Variants in LRRC34 observed in about 807,000 individuals in gnomAD.
The protein encoded by LRRC34 is leucine-rich repeat-containing protein 34.
A neutral mutation model predicts 48.5 loss-of-function variants in LRRC34; 44 were observed. The observed-to-expected ratio is 0.91, with a 90% confidence interval of 0.71 to 1.17. The LOEUF (loss-of-function observed/expected upper bound fraction) is 1.17. LRRC34 is among the 50% of genes most tolerant of loss of function. The pLI, the probability that LRRC34 is intolerant of heterozygous loss-of-function variation, is 0.00. For synonymous variants in LRRC34, 192 were observed against 197.6 expected, an observed-to-expected ratio of 0.97 and a Z score of 0.24; for missense variants, 502 against 563.0, an observed-to-expected ratio of 0.89 and a Z score of 1.10.
chr3:169,805,137 G>T lies in LRRC34; in HGVS notation c.529-956C>A, dbSNP rs190075183. Among the ~76,000 whole-genome samples the T allele has an allele frequency of 2.0e-5, 3 of 152,228 alleles. No homozygotes were observed. In the East Asian group the frequency reaches 5.8e-4, roughly 29 times the overall value. On this transcript the variant is annotated intron_variant, in intron 5 of 10. Coordinates refer to ENST00000446859, the MANE Select transcript of LRRC34 (RefSeq NM_001172779.2). ...CCTCTCACCACTTCTATTTAACATT[G>T]TACTGGAGGTTCTAGCCAGAGAAAT...
intron 5 of LRRC34, among the ~76,000 whole-genome samples, chr3:169,805,981 C>G (rs1182825960): frequency 2.0e-5 from 3 of 151,510 alleles, no homozygotes. Flanking sequence ...ACAGAAGAGC[C>G]AACACAATCC....
At position 169,799,848 on chromosome 3, in the gene LRRC34, G is replaced by A. The variant is rs191523239; in HGVS notation, c.753+811C>T. On this transcript the variant is annotated intron_variant, in intron 7 of 10. Transcript: ENST00000446859. ...CTGCCTCAGCCTCCCAAGTAGCTGG[G>A]ATTACAGGCACCTGCCACCATGCCT... Among the ~76,000 whole-genome samples the A allele has an allele frequency of 3.9e-5, 6 of 152,214 alleles. No homozygotes were observed. In the East Asian group the frequency reaches 1.2e-3, roughly 30 times the overall value.
rs78580387 is a variant in LRRC34 at position 169,812,034 on chromosome 3, C to G, written c.139+376G>C. Among the ~76,000 whole-genome samples the G allele has an allele frequency of 0.017, 2,574 of 152,204 alleles. 90 individuals carry two copies. The highest frequency in any genetic ancestry group is 0.14 in the South Asian group (659 of 4,822). On this transcript the variant is annotated intron_variant, in intron 1 of 10. Transcript: ENST00000446859. The surrounding 1 kb of genome is among the most constrained non-coding windows in gnomAD (Gnocchi z 4.3). ...AACAGTATCAAGACCCTCATGCCCC[C>G]CTGTGACCTGCTCTCTGGGACTTTC...
At chr3:169,797,252 GTC>G (rs1779028600) in intron 7 of LRRC34, among the ~76,000 whole-genome samples, 2 of 152,058 alleles carry the variant, frequency 1.3e-5, no homozygotes, top group South Asian at 4.1e-4. Flanking sequence ...CATCTTTCAA[GTC>G]TCTAAACCTT....
Position 169,812,675 on chromosome 3 carries a change from T to G in LRRC34, c.-127A>C. 1 of 1,307,462 alleles carries G rather than the reference T, an allele frequency of 7.6e-7. No homozygotes were observed. The highest frequency in any genetic ancestry group is 9.9e-7 in the Non-Finnish European group (1 of 1,005,506). The allele number at this position is 1,307,462 out of a possible 1,614,324, so 81.0% of individuals were successfully genotyped here. On this transcript the variant is annotated 5_prime_UTR_variant, in exon 1 of 11. Coordinates refer to ENST00000446859, the MANE Select transcript of LRRC34 (RefSeq NM_001172779.2). This position sits in a 1 kb window ranked among gnomAD's most constrained non-coding sequence, Gnocchi z 4.3. ...CCCTGAGGCCTCACTGCTAAGGCAG[T>G]GACCGCCTACTCTGTGGAGGTCCTT... is the stretch of plus-strand genomic sequence containing the variant.
chr3:169,807,610 T>C lies in LRRC34; in HGVS notation c.357A>G (p.Leu119=). The change falls in exon 3 of 11, where the codon TTA becomes TTG. Residue 119 remains leucine, a synonymous_variant. Coordinates refer to ENST00000446859, the MANE Select transcript of LRRC34 (RefSeq NM_001172779.2). ...GEDFWILSKI[L]KNCLYINGLD... ...TACCATTAATATACAGACAATTCTT[T>C]AAAATTTTGGAAAGAATCCAAAAAT... 6.2e-7 allele frequency: 1 copy of C among 1,610,136 alleles called. No individual in the cohort carries two copies. The highest frequency in any genetic ancestry group is 8.5e-7 in the Non-Finnish European group (1 of 1,179,108).
chr3:169,812,622 C>T lies in LRRC34; in HGVS notation c.-74G>A. On this transcript the variant is annotated 5_prime_UTR_variant, in exon 1 of 11. Transcript: ENST00000446859. The surrounding 1 kb of genome is among the most constrained non-coding windows in gnomAD (Gnocchi z 4.3). ...CACGAGCCTCGGCGCCAGCCTGCTT[C>T]GAGTCCCGCTGGCTGTGCCTGCCCG... 1 of 1,406,568 alleles carries T rather than the reference C, an allele frequency of 7.1e-7. No individual in the cohort carries two copies. The highest frequency in any genetic ancestry group is 9.2e-7 in the Non-Finnish European group (1 of 1,087,314). 87.1% of individuals were successfully genotyped at this position (1,406,568 alleles called of 1,614,324 possible). A position where few individuals can be genotyped will look rare whatever the true frequency, so the allele number is the denominator to read the frequency against.
chr3:169,796,872 T>G lies in LRRC34; in HGVS notation c.781A>C (p.Met261Leu). The change falls in exon 8 of 11, where the codon ATG (methionine) becomes CTG (leucine). Residue 261 changes from methionine to leucine, a missense_variant. Met to Leu is a conservative substitution (Grantham distance 15). Transcript: ENST00000446859. ...ACAAGACAGTGATTTTCTTTCAACATGCGGCCTACATGGACTGTAGACTCT... is the reference window on the plus strand; with the variant it reads ...ACAAGACAGTGATTTTCTTTCAACAGGCGGCCTACATGGACTGTAGACTCT... ...QEESTVHVGR[M>L]LKENHCLVAL... 1.2e-6 allele frequency: 2 copies of G among 1,607,628 alleles called. No individual in the cohort carries two copies. Among genetic ancestry groups the G allele is most frequent in the Non-Finnish European group, 1.7e-6 (2 of 1,177,132 alleles).
At chr3:169,796,943 T>A (rs746587103) in intron 7 of LRRC34, 44 bp from the exon 8 acceptor site, 1 of 1,404,178 alleles carries the variant, frequency 7.1e-7, no homozygotes, top group South Asian at 1.6e-5. Flanking sequence ...AATTTTGAAG[T>A]AGTACATGTT....
chr3:169,800,008 C>T lies in LRRC34; in HGVS notation c.753+651G>A, dbSNP rs566522344. Reference sequence around the variant, plus strand: ...GATTACAGACGTGAGCCACCGTGCCCGGCCAAACATTAAATTTTAAACATT... The same window carrying T: ...GATTACAGACGTGAGCCACCGTGCCTGGCCAAACATTAAATTTTAAACATT... On this transcript the variant is annotated intron_variant, in intron 7 of 10. Transcript: ENST00000446859. 1.4e-3 allele frequency among the ~76,000 whole-genome samples: 215 copies of T among 152,280 alleles called. 1 individual carries two copies. The highest frequency in any genetic ancestry group is 4.9e-3 in the African/African-American group (205 of 41,528).
chr3:169,793,512 A>G lies in LRRC34; in HGVS notation c.*123T>C, dbSNP rs1469908060. The G allele has an allele frequency of 2.2e-5, 16 of 715,334 alleles. No individual in the cohort carries two copies. In the East Asian group the frequency reaches 4.4e-4, roughly 20 times the overall value. The allele number at this position is 715,334 out of a possible 1,614,324, so 44.3% of individuals were successfully genotyped here. A position where few individuals can be genotyped will look rare whatever the true frequency, so the allele number is the denominator to read the frequency against. On this transcript the variant is annotated 3_prime_UTR_variant, in exon 11 of 11. Transcript: ENST00000446859. The stretch of plus-strand genomic sequence containing the variant: ...CAGTTATACAAAGTTTAATACAGTC[A>G]TTATCTTTTACACATTTGAAAAAAG...
At chr3:169,807,511 A>G (rs1180866158) in intron 3 of LRRC34, 21 bp from the exon 4 acceptor site, 1 of 1,612,238 alleles carries the variant, frequency 6.2e-7, no homozygotes, top group Non-Finnish European at 8.5e-7. Flanking sequence ...GATGAATAGA[A>G]GTGGATATTC....
In LRRC34 at chr3:169,810,759, G is replaced by A. The variant is rs9831787; in HGVS notation, c.139+1651C>T. ...TGCAAACTGTTAAGCTTGAGAATAG[G>A]GAGGATAAGAATGCTGCATTTCCGG... On this transcript the variant is annotated intron_variant, in intron 1 of 10. Transcript: ENST00000446859. 5.6e-3 allele frequency among the ~76,000 whole-genome samples: 849 copies of A among 152,276 alleles called. 8 individuals are homozygous for A. The highest frequency in any genetic ancestry group is 0.019 in the African/African-American group (809 of 41,562).
At chr3:169,802,810 T>C (rs546673016) in intron 6 of LRRC34, among the ~76,000 whole-genome samples, 1 of 151,362 alleles carries the variant, frequency 6.6e-6, no homozygotes, top group Non-Finnish European at 1.5e-5. Flanking sequence ...CCGTCTCTAC[T>C]AAAAATACAA....
Position 169,808,656 on chromosome 3 carries a change from G to A in LRRC34, c.229C>T (p.Gln77Ter). 6.4e-7 allele frequency: 1 copy of A among 1,554,728 alleles called. No homozygotes were observed. The highest frequency in any genetic ancestry group is 8.8e-7 in the Non-Finnish European group (1 of 1,132,566). ...KINPFILHILQEVDEEIKKGL... is the reference protein window; with the variant it reads ...KINPFILHIL ...TTTTTAATTTCTTCATCCACTTCTT[G>A]GAGTATATGCAATATAAAAGGATTA... Residue 77 changes from glutamine to a stop codon, truncating the protein, a stop_gained, in exon 2 of 11, where the codon CAA becomes TAA. Coordinates refer to ENST00000446859, the MANE Select transcript of LRRC34 (RefSeq NM_001172779.2). LOFTEE classifies it high-confidence loss of function.
In LRRC34 at chr3:169,812,147, C is replaced by CT. The variant is rs1779601979; in HGVS notation, c.139+262_139+263insA. On this transcript the variant is annotated intron_variant, in intron 1 of 10. Coordinates refer to ENST00000446859, the MANE Select transcript of LRRC34 (RefSeq NM_001172779.2). This position sits in a 1 kb window ranked among gnomAD's most constrained non-coding sequence, Gnocchi z 4.3. ...GACAGACACCATCTGCACAACCTAT[C>CT]GCGCAAAGGGCGGACCCACGGGAAC... Among the ~76,000 whole-genome samples the CT allele has an allele frequency of 6.7e-6, 1 of 149,632 alleles. No homozygotes were observed. Among genetic ancestry groups the CT allele is most frequent in the Non-Finnish European group, 1.5e-5 (1 of 67,414 alleles).
Position 169,812,429 on chromosome 3 carries a change from C to T in LRRC34, c.120G>A (p.Ala40=). Residue 40 remains alanine, a synonymous_variant, in exon 1 of 11, where the codon GCG becomes GCA. Transcript: ENST00000446859. This position sits in a 1 kb window ranked among gnomAD's most constrained non-coding sequence, Gnocchi z 4.3. Reference sequence around the variant, plus strand: ...TCTTACCGCGCTGGACCGCCAGGGCCGCGCCCGGAGTACTGGCCTGAGTGG... The same window carrying T: ...TCTTACCGCGCTGGACCGCCAGGGCTGCGCCCGGAGTACTGGCCTGAGTGG... ...WASTQASTPG[A]ALAVQRESPE... 1.3e-6 allele frequency: 2 copies of T among 1,529,294 alleles called. No individual in the cohort carries two copies. The highest frequency in any genetic ancestry group is 1.7e-6 in the Non-Finnish European group (2 of 1,144,736). The allele number at this position is 1,529,294 out of a possible 1,614,324, so 94.7% of individuals were successfully genotyped here.
rs1779648811 is a variant in LRRC34, at chr3:169,812,754, G to T, written c.-206C>A. ...TGAGGGAGGGCGTCCTGGCTCCTTT[G>T]CAGGGAGGAGTTCCCGAGGTTTGAG... On this transcript the variant is annotated 5_prime_UTR_variant, in exon 1 of 11. Transcript: ENST00000446859. This position sits in a 1 kb window ranked among gnomAD's most constrained non-coding sequence, Gnocchi z 4.3. 4 of 642,888 alleles carry T rather than the reference G, an allele frequency of 6.2e-6. No homozygotes were observed. Among genetic ancestry groups the T allele is most frequent in the Non-Finnish European group, 2.4e-6 (1 of 412,978 alleles). The allele number at this position is 642,888 out of a possible 1,614,324, so 39.8% of individuals were successfully genotyped here. A position where few individuals can be genotyped will look rare whatever the true frequency, so the allele number is the denominator to read the frequency against.
At chr3:169,801,365 A>G (rs1403908764) in intron 6 of LRRC34, among the ~76,000 whole-genome samples, 1 of 151,978 alleles carries the variant, frequency 6.6e-6, no homozygotes, top group Non-Finnish European at 1.5e-5. Flanking sequence ...AAGATGTCTC[A>G]AATTAGTCTG....
Sources: allele counts gnomAD v4.1 joint callset (sites outside exome capture counted in the v4.1 genomes callset), GRCh38; gene constraint gnomAD v4.1.1; non-coding constraint Gnocchi (gnomAD v3.1); transcripts MANE v1.5; gene names NCBI Gene and HGNC (gene_info 2026-07-23, HGNC 2026-07-21).